SORCS1: variants seen among roughly 807,000 people sequenced by gnomAD.
SORCS1 encodes the protein sortilin related VPS10 domain containing receptor 1.
A neutral mutation model predicts 146.1 loss-of-function variants in SORCS1; 60 were observed. The ratio of observed to expected loss-of-function variants is 0.41; its 90% CI spans 0.33 to 0.51. The LOEUF (loss-of-function observed/expected upper bound fraction) is 0.51, where lower values mean the gene tolerates loss of function less well. Among genes scored for constraint, SORCS1 ranks in the 20% least tolerant of loss-of-function variants. SORCS1 has a pLI of 0.21. For synonymous variants in SORCS1, 637 were observed against 584.0 expected, an observed-to-expected ratio of 1.09 and a Z score of -1.31; for missense variants, 1,352 against 1,487.6, an observed-to-expected ratio of 0.91 and a Z score of 1.50.
chr10:106,946,862 G>C (rs7098508), intron 2 of SORCS1, among the ~76,000 whole-genome samples: 4,146 of 152,118 alleles, frequency 0.027, 126 homozygotes, highest in African/African-American at 0.076. Context: ...ACACTGCTTG[G>C]CATGGCATAC....
chr10:106,604,803 C>T (rs1846461656), intron 23 of SORCS1, among the ~76,000 whole-genome samples: 1 of 152,096 alleles, frequency 6.6e-6, no homozygotes, highest in African/African-American at 2.4e-5. Flanking sequence ...TTTTCCACAT[C>T]TCTTCTTACC....
chr10:106,575,276 G>C lies in SORCS1; in HGVS notation c.*2144C>G, dbSNP rs1246712371. The stretch of plus-strand genomic sequence containing the variant: ...TAGCCCATTTCCCAGATTCATATGG[G>C]GTATCCTCAACCATAAACATCTCTG... On this transcript the variant is annotated 3_prime_UTR_variant, in exon 26 of 26. Coordinates refer to ENST00000263054, the MANE Select transcript of SORCS1 (RefSeq NM_052918.5). The C allele has an allele frequency of 6.6e-6, 1 of 152,322 alleles. No individual in the cohort carries two copies. Among genetic ancestry groups the C allele is most frequent in the Admixed American group, 6.5e-5 (1 of 15,276 alleles). The allele number at this position is 152,322 out of a possible 1,614,324, so 9.4% of individuals were successfully genotyped here. A position where few individuals can be genotyped will look rare whatever the true frequency, so the allele number is the denominator to read the frequency against.
At chr10:106,811,143 T>C (rs1947439431) in intron 3 of SORCS1, among the ~76,000 whole-genome samples, 1 of 152,008 alleles carries the variant, frequency 6.6e-6, no homozygotes, top group African/African-American at 2.4e-5. Context: ...TTTCACCATC[T>C]CGGCCAGGCT....
In SORCS1 at chr10:106,696,203, T is replaced by TAG. The variant is rs564411991; in HGVS notation, c.1413+3010_1413+3011insCT. 4.8e-4 allele frequency among the ~76,000 whole-genome samples: 73 copies of TAG among 152,348 alleles called. No individual in the cohort carries two copies. The South Asian group carries it at 0.015, about 31-fold the overall frequency. On this transcript the variant is annotated intron_variant, in intron 9 of 25. Transcript: ENST00000263054. The stretch of plus-strand genomic sequence containing the variant: ...CAAATGTGAGCAGACATGCACTCCA[T>TAG]GTATGCTATCTCTGTAACCCCCACC...
intron 3 of SORCS1, among the ~76,000 whole-genome samples, chr10:106,823,027 C>T (rs1405401695): frequency 6.6e-6 from 1 of 152,120 alleles, no homozygotes; most frequent in Non-Finnish European, 1.5e-5. Context: ...AGGTGATCCA[C>T]CCACCTCGGC....
At chr10:106,674,054 C>T (rs1182875334) in intron 14 of SORCS1, among the ~76,000 whole-genome samples, 2 of 151,174 alleles carry the variant, frequency 1.3e-5, no homozygotes, top group Admixed American at 6.6e-5. Context: ...TGGTGGCTCA[C>T]ACCTGTAATC....
chr10:107,018,053 T>C (rs1257935775), intron 1 of SORCS1, among the ~76,000 whole-genome samples: 6 of 152,176 alleles, frequency 3.9e-5, no homozygotes, highest in Non-Finnish European at 8.8e-5. Flanking sequence ...GAAATGAATG[T>C]CCTTATCTCT....
intron 6 of SORCS1, among the ~76,000 whole-genome samples, chr10:106,725,547 A>G (rs117314995): frequency 0.022 from 3,025 of 136,726 alleles, 155 homozygotes; most frequent in East Asian, 0.18. Context: ...GCAAAACTCC[A>G]TCACATACAC....
chr10:106,881,653 G>A (rs1429695605), intron 2 of SORCS1, among the ~76,000 whole-genome samples: 1 of 152,188 alleles, frequency 6.6e-6, no homozygotes, highest in South Asian at 2.1e-4. Flanking sequence ...AAGTAGAGAA[G>A]AAATTAAAAT....
chr10:106,951,544 G>A (rs1282313260), intron 2 of SORCS1, among the ~76,000 whole-genome samples: 2 of 149,598 alleles, frequency 1.3e-5, no homozygotes, highest in Non-Finnish European at 3.0e-5. Flanking sequence ...AACACCTGGA[G>A]GACAGAGCCT....
chr10:107,143,700 T>C (rs886290681), intron 1 of SORCS1, among the ~76,000 whole-genome samples: 7 of 152,056 alleles, frequency 4.6e-5, no homozygotes, highest in African/African-American at 1.4e-4. Flanking sequence ...GAGATGGGGT[T>C]TCAGCATGTT....
chr10:106,993,621 T>G (rs11193150), intron 1 of SORCS1, among the ~76,000 whole-genome samples: 1 of 151,808 alleles, frequency 6.6e-6, no homozygotes, highest in African/African-American at 2.4e-5. Context: ...TCAAATCAGG[T>G]ACAGTATCAT....
chr10:106,960,887 C>T lies in SORCS1; in HGVS notation c.559-4307G>A, dbSNP rs1042089313. Among the ~76,000 whole-genome samples the T allele has an allele frequency of 6.6e-6, 1 of 152,164 alleles. No individual in the cohort carries two copies. Among genetic ancestry groups the T allele is most frequent in the Non-Finnish European group, 1.5e-5 (1 of 68,042 alleles). On this transcript the variant is annotated intron_variant, in intron 1 of 25. Transcript: ENST00000263054. This position sits in a 1 kb window ranked among gnomAD's most constrained non-coding sequence, Gnocchi z 4.4. ...ACAGCACTGAGCCACATTTTCATAA[C>T]CCGGGCTCCCAAACTATTAGTGACC...
intron 2 of SORCS1, among the ~76,000 whole-genome samples, chr10:106,855,762 C>T (rs577588275): frequency 6.6e-6 from 1 of 152,198 alleles, no homozygotes; most frequent in African/African-American, 2.4e-5. Flanking sequence ...TGACATTATC[C>T]ATCTGTTCTT....
chr10:106,606,274 T>TAC (rs6144077), intron 23 of SORCS1, among the ~76,000 whole-genome samples: 6,965 of 138,634 alleles, frequency 0.05, 211 homozygotes, highest in African/African-American at 0.089. Flanking sequence ...CACACAGATA[T>TAC]ACACACACAC....
chr10:106,656,072 A>G (rs1055933296), intron 17 of SORCS1, among the ~76,000 whole-genome samples: 1 of 152,184 alleles, frequency 6.6e-6, no homozygotes, highest in Non-Finnish European at 1.5e-5. Flanking sequence ...CTGAAAAGGA[A>G]ACATTCTGCA....
At chr10:106,990,905 C>T (rs1247130850) in intron 1 of SORCS1, among the ~76,000 whole-genome samples, 2 of 79,110 alleles carry the variant, frequency 2.5e-5, no homozygotes, top group Non-Finnish European at 4.9e-5. Context: ...TACTCTTTTG[C>T]AAAATGAATG....
chr10:107,033,589 G>A (rs1475556816), intron 1 of SORCS1, among the ~76,000 whole-genome samples: 4 of 152,182 alleles, frequency 2.6e-5, no homozygotes, highest in African/African-American at 9.7e-5. Context: ...ATTTCTCTAT[G>A]CTAAGCTCTT....
intron 16 of SORCS1, among the ~76,000 whole-genome samples, chr10:106,670,123 A>G (rs1851475019): frequency 1.3e-5 from 2 of 152,354 alleles, no homozygotes; most frequent in South Asian, 4.1e-4. Flanking sequence ...AAAAACAAAT[A>G]AACGAATACA....
Sources: gnomAD v4.1 joint callset for allele counts (sites outside exome capture counted in the v4.1 genomes callset) on GRCh38, gnomAD v4.1.1 for gene constraint, Gnocchi (gnomAD v3.1) non-coding constraint, MANE v1.5 for transcripts, NCBI Gene and HGNC (gene_info 2026-07-23, HGNC 2026-07-21) for gene names.